The following UBR3 variants were observed in gnomAD, a reference collection of about 807,000 sequenced individuals.
UBR3 encodes the protein ubiquitin protein ligase E3 component n-recognin 3.
Under a neutral mutation model 243.2 loss-of-function variants are expected in UBR3, and 85 were observed. That is an observed-to-expected ratio of 0.35 (90% CI 0.29 to 0.42). The LOEUF (loss-of-function observed/expected upper bound fraction) is 0.42. Ranked by LOEUF, UBR3 falls within the 10% of genes least tolerant of loss-of-function variation. The probability of loss-of-function intolerance (pLI) is 1.00; values close to 1 mark genes in which losing one functional copy is unlikely to be tolerated. For missense variants in UBR3, 1,686 were observed against 2,300.8 expected (o/e 0.73, Z 5.47); for synonymous variants, 748 against 799.8 (o/e 0.94, Z 1.09).
At chr2:169,931,458 A>T (rs1042210994) in intron 18 of UBR3, among the ~76,000 whole-genome samples, 1 of 152,000 alleles carries the variant, frequency 6.6e-6, no homozygotes, top group Non-Finnish European at 1.5e-5. Context: ...CTGATACTTT[A>T]AGATGAATAG....
intron 11 of UBR3, among the ~76,000 whole-genome samples, chr2:169,918,208 C>T (rs1377121866): frequency 1.8e-4 from 27 of 152,134 alleles, no homozygotes; most frequent in Admixed American, 1.4e-3. Flanking sequence ...AGAGCTTTAA[C>T]GTAGGCAGAT....
intron 35 of UBR3, among the ~76,000 whole-genome samples, chr2:170,064,584 T>A (rs1324793793): frequency 2.0e-5 from 3 of 151,948 alleles, no homozygotes; most frequent in African/African-American, 7.2e-5. Flanking sequence ...ATAAGACAGT[T>A]TTTCCAGCAC....
chr2:169,937,305 C>G (rs1277741420), intron 19 of UBR3, among the ~76,000 whole-genome samples: 1 of 152,172 alleles, frequency 6.6e-6, no homozygotes, highest in Non-Finnish European at 1.5e-5. Context: ...TAAATGTCTT[C>G]TTTTGAGAAG....
chr2:170,054,279 C>A (rs1257962242), intron 32 of UBR3, among the ~76,000 whole-genome samples: 2 of 151,012 alleles, frequency 1.3e-5, no homozygotes, highest in Admixed American at 1.3e-4. Context: ...GTCACCACAC[C>A]CAGCTTTTTT....
chr2:170,072,868 A>AAGAT (rs1296560702), intron 35 of UBR3, among the ~76,000 whole-genome samples: 1 of 152,158 alleles, frequency 6.6e-6, no homozygotes, highest in African/African-American at 2.4e-5. Flanking sequence ...ATCAACTTTT[A>AAGAT]AGATATGAAT....
At chr2:170,010,764 A>C (rs1245624384) in intron 29 of UBR3, among the ~76,000 whole-genome samples, 1 of 152,230 alleles carries the variant, frequency 6.6e-6, no homozygotes, top group African/African-American at 2.4e-5. Flanking sequence ...AAATGAGTGT[A>C]TATAACACTT....
Position 169,994,334 on chromosome 2 carries a change from T to A in UBR3, c.3796T>A (p.Cys1266Ser). The A allele has an allele frequency of 6.2e-7, 1 of 1,614,136 alleles. No individual in the cohort carries two copies. Among genetic ancestry groups the A allele is most frequent in the Non-Finnish European group, 8.5e-7 (1 of 1,180,010 alleles). Reference sequence around the variant, plus strand: ...ATCTGTTAATGTAGTTTTGGGGCAGTGCCGTGACAATGTTGAGCCAAAAAA... The same window carrying A: ...ATCTGTTAATGTAGTTTTGGGGCAGAGCCGTGACAATGTTGAGCCAAAAAA... Reference protein sequence around the residue: ...LLQASSVLGQCRDNVEPKKLP... With the variant: ...LLQASSVLGQSRDNVEPKKLP... The change falls in exon 26 of 39, where the codon TGC (cysteine) becomes AGC (serine). Residue 1266 changes from cysteine to serine, a missense_variant. Cys to Ser is a moderately radical substitution (Grantham distance 112). This residue lies in a region of UBR3 where 156 missense variants were observed against 246.3 expected (regional missense o/e 0.63). Coordinates refer to ENST00000272793, the MANE Select transcript of UBR3 (RefSeq NM_172070.4).
At chr2:169,962,171 G>A (rs774212607) in intron 24 of UBR3, among the ~76,000 whole-genome samples, 11 of 152,018 alleles carry the variant, frequency 7.2e-5, no homozygotes, top group Non-Finnish European at 7.4e-5. Context: ...CCCAACAGTC[G>A]TGTGAGTGAG....
rs142172969 is a variant in UBR3 at position 169,856,859 on chromosome 2, T to G, written c.546-15377T>G. Among the ~76,000 whole-genome samples the G allele has an allele frequency of 1.4e-4, 21 of 151,960 alleles. No homozygotes were observed. The East Asian group carries it at 4.1e-3, about 30-fold the overall frequency. On this transcript the variant is annotated intron_variant, in intron 1 of 38. Coordinates refer to ENST00000272793, the MANE Select transcript of UBR3 (RefSeq NM_172070.4). ...GGAGGGGGAGGGGGAGGGGGAGCTA[T>G]CCATTACTTTACTACCTGGCTAGCA...
chr2:169,839,556 T>G (rs948396600), intron 1 of UBR3, among the ~76,000 whole-genome samples: 52 of 152,230 alleles, frequency 3.4e-4, no homozygotes, highest in African/African-American at 1.2e-3. Context: ...AGACAAATAT[T>G]TAAGGTAGTG....
chr2:169,963,822 A>G (rs902780588), intron 24 of UBR3, among the ~76,000 whole-genome samples: 1 of 152,148 alleles, frequency 6.6e-6, no homozygotes, highest in Admixed American at 6.6e-5. Context: ...AATTCCAAAC[A>G]TAGAGGAAAG....
At chr2:170,003,082 A>G (rs1219032480) in intron 27 of UBR3, among the ~76,000 whole-genome samples, 2 of 152,178 alleles carry the variant, frequency 1.3e-5, no homozygotes, top group Admixed American at 6.5e-5. Flanking sequence ...GTCCCTTACC[A>G]AAATTCTATT....
intron 1 of UBR3, among the ~76,000 whole-genome samples, chr2:169,843,076 T>C (rs982816448): frequency 2.0e-5 from 3 of 152,210 alleles, no homozygotes; most frequent in Admixed American, 2.0e-4. Flanking sequence ...TAGCATTCAC[T>C]TCAAAACTAC....
At chr2:169,980,740 T>C (rs1005797441) in intron 24 of UBR3, among the ~76,000 whole-genome samples, 48 of 150,558 alleles carry the variant, frequency 3.2e-4, no homozygotes, top group Non-Finnish European at 5.9e-4. Flanking sequence ...TAGCATTAGG[T>C]ATATCTCCTA....
chr2:169,883,576 T>G (rs1353083837), intron 5 of UBR3, among the ~76,000 whole-genome samples: 1 of 152,230 alleles, frequency 6.6e-6, no homozygotes, highest in African/African-American at 2.4e-5. Context: ...GATATGACAT[T>G]AGTCATTCTT....
At chr2:170,030,016 A>G (rs2090628138) in intron 31 of UBR3, among the ~76,000 whole-genome samples, 1 of 152,138 alleles carries the variant, frequency 6.6e-6, no homozygotes, top group African/African-American at 2.4e-5. Flanking sequence ...AAAGTAAGGA[A>G]TGGATGCCCT....
intron 2 of UBR3, among the ~76,000 whole-genome samples, chr2:169,875,355 G>C (rs1408352521): frequency 2.0e-5 from 3 of 151,934 alleles, no homozygotes; most frequent in Non-Finnish European, 2.9e-5. Context: ...TTTGAGATGG[G>C]GTGTCACTCT....
chr2:169,905,889 A>G, intron 9 of UBR3, 142 bp from the exon 10 acceptor site: 4 of 847,522 alleles, frequency 4.7e-6, no homozygotes, highest in Non-Finnish European at 6.5e-6. Context: ...CATTTTTAGT[A>G]ATTTACTTAT....
chr2:170,081,325 C>T (rs2091901814), intron 38 of UBR3, among the ~76,000 whole-genome samples: 1 of 151,924 alleles, frequency 6.6e-6, no homozygotes, highest in African/African-American at 2.4e-5. Flanking sequence ...ATGGTGAAAC[C>T]CCGTCTCTAC....
Sources: allele counts gnomAD v4.1 joint callset (sites outside exome capture counted in the v4.1 genomes callset), GRCh38; gene constraint gnomAD v4.1.1; regional missense constraint gnomAD v4.1.1; transcripts MANE v1.5; gene names NCBI Gene and HGNC (gene_info 2026-07-23, HGNC 2026-07-21).